EHBP1: variants seen among roughly 807,000 people sequenced by gnomAD.
EHBP1 encodes EH domain-binding protein 1.
A neutral mutation model predicts 144.0 loss-of-function variants in EHBP1; 55 were observed. The observed-to-expected ratio is 0.38, with a 90% CI of 0.31 to 0.48. EHBP1 has a LOEUF of 0.48. Among genes scored for constraint, EHBP1 ranks in the 20% least tolerant of loss-of-function variants. EHBP1 has a pLI of 0.98. For synonymous variants in EHBP1, 469 were observed against 472.7 expected, an observed-to-expected ratio of 0.99 and a Z score of 0.10; for missense variants, 1,200 against 1,364.2, an observed-to-expected ratio of 0.88 and a Z score of 1.90.
At chr2:62,978,579 A>G (rs1372823713) in intron 14 of EHBP1, among the ~76,000 whole-genome samples, 6 of 151,996 alleles carry the variant, frequency 3.9e-5, no homozygotes, top group African/African-American at 1.2e-4. Context: ...TTAGATTTTA[A>G]TTTTTCTTCT....
At chr2:62,943,250 C>G (rs2056869960) in intron 11 of EHBP1, among the ~76,000 whole-genome samples, 1 of 152,036 alleles carries the variant, frequency 6.6e-6, no homozygotes. Context: ...GTGGCGCATG[C>G]CTGAAATCCC....
chr2:62,836,247 A>G (rs1412219714), intron 7 of EHBP1, among the ~76,000 whole-genome samples: 9 of 152,186 alleles, frequency 5.9e-5, no homozygotes, highest in South Asian at 2.1e-4. Context: ...CACCTCACAC[A>G]GCAGGGCATT....
At chr2:62,766,220 A>G (rs2041176571) in intron 4 of EHBP1, among the ~76,000 whole-genome samples, 1 of 152,170 alleles carries the variant, frequency 6.6e-6, no homozygotes, top group African/African-American at 2.4e-5. Context: ...AAGAAATCTG[A>G]GTTGGTACTC....
At chr2:62,908,547 T>G (rs530427250) in intron 10 of EHBP1, among the ~76,000 whole-genome samples, 1 of 152,170 alleles carries the variant, frequency 6.6e-6, no homozygotes, top group South Asian at 2.1e-4. Context: ...TTAATATAGG[T>G]GTTCAGTATT....
chr2:62,805,587 T>C (rs550527738), intron 5 of EHBP1, among the ~76,000 whole-genome samples: 21 of 152,200 alleles, frequency 1.4e-4, no homozygotes, highest in Middle Eastern at 6.8e-3. Context: ...CAGTCTTGGC[T>C]CACTGCAACC....
At chr2:62,889,475 T>C (rs191439808) in intron 10 of EHBP1, among the ~76,000 whole-genome samples, 100 of 152,296 alleles carry the variant, frequency 6.6e-4, no homozygotes, top group African/African-American at 2.4e-3. Flanking sequence ...TCTTGGTCCA[T>C]GCCTATTTCC....
chr2:63,040,557 A>G (rs1319670922), intron 21 of EHBP1, among the ~76,000 whole-genome samples: 1 of 152,140 alleles, frequency 6.6e-6, no homozygotes, highest in African/African-American at 2.4e-5. Flanking sequence ...AAAGGGGAAA[A>G]ATATTTTTCT....
chr2:62,723,869 T>C (rs1392070643), intron 2 of EHBP1, among the ~76,000 whole-genome samples: 1 of 152,214 alleles, frequency 6.6e-6, no homozygotes, highest in Non-Finnish European at 1.5e-5. Flanking sequence ...CTGATGGGCT[T>C]CTCTTTGTAG....
At chr2:62,732,027 C>G (rs1292353133) in intron 2 of EHBP1, among the ~76,000 whole-genome samples, 3 of 151,930 alleles carry the variant, frequency 2.0e-5, no homozygotes, top group East Asian at 1.9e-4. Flanking sequence ...TTATTTCACT[C>G]TCTTCCTGCT....
chr2:62,833,933 G>C (rs1490298406), intron 7 of EHBP1, among the ~76,000 whole-genome samples: 1 of 152,194 alleles, frequency 6.6e-6, no homozygotes, highest in Non-Finnish European at 1.5e-5. Flanking sequence ...GAGTTTGGAA[G>C]ACAGAAGAGG....
chr2:62,676,681 G>T (rs1291505973), intron 1 of EHBP1, among the ~76,000 whole-genome samples: 2 of 152,022 alleles, frequency 1.3e-5, no homozygotes, highest in East Asian at 3.9e-4. Flanking sequence ...CCATTGTTTT[G>T]CTGGAAAAGC....
intron 6 of EHBP1, among the ~76,000 whole-genome samples, chr2:62,827,406 A>G (rs1573558905): frequency 6.6e-6 from 1 of 152,348 alleles, no homozygotes; most frequent in Middle Eastern, 3.4e-3. Context: ...GGAAGAAGAG[A>G]CACAAATTCA....
intron 7 of EHBP1, among the ~76,000 whole-genome samples, chr2:62,852,277 A>G (rs2048735556): frequency 6.6e-6 from 1 of 152,138 alleles, no homozygotes; most frequent in African/African-American, 2.4e-5. Flanking sequence ...TTGCACATAT[A>G]GGAATATAGG....
intron 16 of EHBP1, 125 bp from the exon 17 acceptor site, chr2:62,993,405 A>G: frequency 1.2e-6 from 1 of 867,628 alleles, no homozygotes. Flanking sequence ...AGTGCTTTAA[A>G]ATCCTTTTCT....
At chr2:62,673,993 A>G (rs897725489) in exon 1 of EHBP1, 1 of 470,844 alleles carries the variant, frequency 2.1e-6, no homozygotes, top group Non-Finnish European at 4.4e-6. Context: ...ATGCCCCTGT[A>G]GCAGCAATGT....
intron 2 of EHBP1, among the ~76,000 whole-genome samples, chr2:62,713,389 G>A (rs2035350241): frequency 6.6e-6 from 1 of 151,746 alleles, no homozygotes; most frequent in South Asian, 2.1e-4. Flanking sequence ...TTACCGGCAT[G>A]TACCACCATG....
At chr2:62,755,536 A>G (rs1252771248) in intron 3 of EHBP1, among the ~76,000 whole-genome samples, 1 of 152,192 alleles carries the variant, frequency 6.6e-6, no homozygotes, top group East Asian at 1.9e-4. Context: ...TAACCAGGTA[A>G]TAGGGTAGGT....
chr2:62,805,467 T>C (rs929846127), intron 5 of EHBP1, among the ~76,000 whole-genome samples: 1 of 147,296 alleles, frequency 6.8e-6, no homozygotes, highest in Non-Finnish European at 1.5e-5. Flanking sequence ...CTTTGTATTT[T>C]CTTTTTTTTT....
chr2:62,681,340 G>GTATGTATATATATATATATATATA (rs2033511254), intron 1 of EHBP1, among the ~76,000 whole-genome samples: 1 of 58,554 alleles, frequency 1.7e-5, no homozygotes, highest in East Asian at 4.2e-4. Context: ...ATGTGTGTGT[G>GTATGTATATATATATATATATATA]TATATATATA....
Sources: gnomAD v4.1 joint callset for allele counts (sites outside exome capture counted in the v4.1 genomes callset) on GRCh38, gnomAD v4.1.1 for gene constraint, MANE v1.5 for transcripts, NCBI Gene and HGNC (gene_info 2026-07-23, HGNC 2026-07-21) for gene names.